The following CPXM2 variants were observed in gnomAD, a reference collection of about 807,000 sequenced individuals.
CPXM2 encodes inactive carboxypeptidase-like protein X2.
A neutral mutation model predicts 86.1 loss-of-function variants in CPXM2; 66 were observed. That is an observed-to-expected ratio of 0.77 (90% CI 0.63 to 0.94). CPXM2 has a LOEUF of 0.94. CPXM2 is among the 40% of genes least tolerant of loss of function. CPXM2 has a pLI of 0.00. For missense variants in CPXM2, 948 were observed against 1,026.3 expected (o/e 0.92, Z 1.04); for synonymous variants, 388 against 400.2 (o/e 0.97, Z 0.36).
rs573457377 is a variant in CPXM2, at chr10:123,818,702, C to T, written c.654-19503G>A. 5.3e-5 allele frequency among the ~76,000 whole-genome samples: 8 copies of T among 152,284 alleles called. No homozygotes were observed. In the East Asian group the frequency reaches 1.5e-3, roughly 29 times the overall value. On this transcript the variant is annotated intron_variant, in intron 4 of 13. Coordinates refer to ENST00000241305, the MANE Select transcript of CPXM2 (RefSeq NM_198148.3). ...GGAATTCACTGGTCTTACCATGTTC[C>T]CCATCATCCTGAAGCAGTTGGATTG...
intron 2 of CPXM2, among the ~76,000 whole-genome samples, chr10:123,926,067 G>A (rs192791238): frequency 4.0e-4 from 61 of 152,340 alleles, no homozygotes; most frequent in African/African-American, 1.5e-3. Flanking sequence ...TTCCACAGGA[G>A]TTACCCATGA....
At chr10:123,778,214 T>G (rs1449148288) in intron 7 of CPXM2, among the ~76,000 whole-genome samples, 1 of 152,232 alleles carries the variant, frequency 6.6e-6, no homozygotes, top group Non-Finnish European at 1.5e-5. Context: ...TTGTTTTTTG[T>G]TTGTTGTAAA....
chr10:123,899,535 T>G (rs1945364807), intron 2 of CPXM2, among the ~76,000 whole-genome samples: 1 of 152,250 alleles, frequency 6.6e-6, no homozygotes, highest in Non-Finnish European at 1.5e-5. Flanking sequence ...ATTCAATTCT[T>G]GCTGGGCATG....
At chr10:123,840,787 T>C (rs982748961) in intron 4 of CPXM2, among the ~76,000 whole-genome samples, 7 of 152,204 alleles carry the variant, frequency 4.6e-5, no homozygotes, top group Non-Finnish European at 8.8e-5. Context: ...TGCCTGACAA[T>C]TGTCACTGTA....
intron 2 of CPXM2, among the ~76,000 whole-genome samples, chr10:123,868,886 G>T (rs184086524): frequency 8.5e-5 from 13 of 152,282 alleles, no homozygotes; most frequent in Admixed American, 7.2e-4. Flanking sequence ...GGCAAAGTTA[G>T]AATGAGAGGT....
intron 6 of CPXM2, among the ~76,000 whole-genome samples, chr10:123,789,463 C>A (rs1007756223): frequency 5.3e-5 from 8 of 152,240 alleles, no homozygotes; most frequent in African/African-American, 9.6e-5. Context: ...GGCAGGGAAG[C>A]TGTCAGGAAA....
intron 7 of CPXM2, among the ~76,000 whole-genome samples, chr10:123,778,611 A>C (rs992529171): frequency 6.6e-6 from 1 of 152,214 alleles, no homozygotes; most frequent in African/African-American, 2.4e-5. Context: ...ACAACTATTT[A>C]CAGATAACAG....
chr10:123,878,467 G>A (rs1945028958), intron 2 of CPXM2, among the ~76,000 whole-genome samples: 1 of 151,360 alleles, frequency 6.6e-6, no homozygotes, highest in African/African-American at 2.4e-5. Context: ...GGCCAGTAGG[G>A]AGGGGTGTAC....
intron 4 of CPXM2, among the ~76,000 whole-genome samples, chr10:123,836,735 G>A (rs765673593): frequency 3.9e-5 from 6 of 152,166 alleles, no homozygotes; most frequent in Admixed American, 2.6e-4. Context: ...TGAAGGCTTG[G>A]AACAGCCCTG....
intron 4 of CPXM2, among the ~76,000 whole-genome samples, chr10:123,801,493 C>T (rs898848331): frequency 1.8e-4 from 28 of 152,090 alleles, no homozygotes; most frequent in East Asian, 3.9e-4. Context: ...TTTTAACTCC[C>T]GCATTTTCAA....
chr10:123,922,890 C>T (rs1034580746), intron 2 of CPXM2, among the ~76,000 whole-genome samples: 1 of 152,176 alleles, frequency 6.6e-6, no homozygotes, highest in Non-Finnish European at 1.5e-5. Context: ...CAACGTATCA[C>T]CCACAGATAA....
Position 123,794,252 on chromosome 10 carries a change from G to A in CPXM2, c.889+3724C>T, listed in dbSNP as rs188310931. 1.4e-4 allele frequency among the ~76,000 whole-genome samples: 22 copies of A among 152,270 alleles called. No individual in the cohort carries two copies. The East Asian group carries it at 2.1e-3, about 15-fold the overall frequency. On this transcript the variant is annotated intron_variant, in intron 6 of 13. Transcript: ENST00000241305. Reference sequence around the variant, plus strand: ...AGTGCTGTACAAAGGGAGGACAGTCGCTCAGACCTGGCCAGGAAGACGAGG... The same window carrying A: ...AGTGCTGTACAAAGGGAGGACAGTCACTCAGACCTGGCCAGGAAGACGAGG...
rs746866224 is a variant in CPXM2, at chr10:123,768,707, T to C, written c.1118A>G (p.His373Arg). ...GEHEVGEPEF[H>R]YIAGAHGNEV... ...ATTGCCGTGGGCCCCCGCGATGTAG[T>C]GGAACTCGGGCTCACCTTTACTCAA... The change falls in exon 9 of 14, where the codon CAC (histidine) becomes CGC (arginine). Residue 373 changes from histidine to arginine, a missense_variant. Transcript: ENST00000241305. 6 of 1,609,318 alleles carry C rather than the reference T, an allele frequency of 3.7e-6. No homozygotes were observed. The highest frequency in any genetic ancestry group is 3.4e-6 in the Non-Finnish European group (4 of 1,179,832).
intron 3 of CPXM2, among the ~76,000 whole-genome samples, chr10:123,849,443 T>C (rs1590063849): frequency 6.7e-6 from 1 of 149,658 alleles, no homozygotes; most frequent in East Asian, 1.9e-4. Context: ...CACTCTTTTT[T>C]TTTTTTTTTT....
chr10:123,939,675 GGGGAGGCC>G (rs1945756679), intron 1 of CPXM2: 1 of 152,322 alleles, frequency 6.6e-6, no homozygotes, highest in Non-Finnish European at 1.5e-5. Context: ...GGGATGGCAT[GGGGAGGCC>G]GGGCCTAAGG....
intron 1 of CPXM2, among the ~76,000 whole-genome samples, chr10:123,880,677 A>G (rs541007638): frequency 2.5e-4 from 38 of 151,828 alleles, no homozygotes; most frequent in African/African-American, 5.8e-4. Flanking sequence ...AAAATACAAA[A>G]AATTAGCCAG....
At chr10:123,780,553 A>G (rs184912694) in intron 6 of CPXM2, among the ~76,000 whole-genome samples, 137 of 152,318 alleles carry the variant, frequency 9.0e-4, no homozygotes, top group African/African-American at 3.1e-3. Context: ...TTTACCCATA[A>G]ACAAGAAAAA....
At chr10:123,892,549 C>T (rs769491860), upstream of CPXM2, among the ~76,000 whole-genome samples, 3 of 152,154 alleles carry the variant, frequency 2.0e-5, no homozygotes, top group Non-Finnish European at 4.4e-5. Flanking sequence ...GCTCTCCAGG[C>T]GGGGATGTGG....
In CPXM2 at chr10:123,762,040, G is replaced by A; in HGVS notation, c.1609C>T (p.Gln537Ter). 2 of 1,613,992 alleles carry A rather than the reference G, an allele frequency of 1.2e-6. No individual in the cohort carries two copies. Among genetic ancestry groups the A allele is most frequent in the Non-Finnish European group, 1.7e-6 (2 of 1,179,974 alleles). Residue 537 changes from glutamine (Q) to a stop codon, truncating the protein, a stop_gained, in exon 11 of 14, where the codon CAG (glutamine) becomes TAG (stop). Transcript: ENST00000241305. LOFTEE classifies it high-confidence loss of function. ...TCGTCGGGGGTGGGGGTGTGTTCCTGCGTCTTCCAGGGGGACCGCACCAGG... is the reference window on the plus strand; with the variant it reads ...TCGTCGGGGGTGGGGGTGTGTTCCTACGTCTTCCAGGGGGACCGCACCAGG... ...YDLVRSPWKT[Q>*]EHTPTPDDHV...
Sources: gnomAD v4.1 joint callset for allele counts (sites outside exome capture counted in the v4.1 genomes callset) on GRCh38, gnomAD v4.1.1 for gene constraint, MANE v1.5 for transcripts, NCBI Gene and HGNC (gene_info 2026-07-23, HGNC 2026-07-21) for gene names.